LRRC42: variants seen among roughly 807,000 people sequenced by gnomAD.
The protein encoded by LRRC42 is leucine-rich repeat-containing protein 42.
LRRC42 carries 43 observed loss-of-function variants against 44.3 expected under a neutral mutation model. The ratio of observed to expected loss-of-function variants is 0.97; its 90% CI spans 0.76 to 1.25. The LOEUF (loss-of-function observed/expected upper bound fraction) is 1.25. Ranked by LOEUF, LRRC42 falls within the 50% of genes most tolerant of loss-of-function variation. The probability of loss-of-function intolerance (pLI) is 0.00; values close to 1 mark genes in which losing one functional copy is unlikely to be tolerated. For synonymous variants in LRRC42, 207 were observed against 195.2 expected (o/e 1.06, Z -0.50); for missense variants, 540 against 509.1 (o/e 1.06, Z -0.58).
Position 53,951,996 on chromosome 1 carries a change from G to A in LRRC42, c.-4G>A. The A allele has an allele frequency of 1.2e-6, 2 of 1,610,932 alleles. No homozygotes were observed. The highest frequency in any genetic ancestry group is 1.7e-6 in the Non-Finnish European group (2 of 1,178,668). On this transcript the variant is annotated 5_prime_UTR_variant, in exon 3 of 9. Coordinates refer to ENST00000371370, the MANE Select transcript of LRRC42 (RefSeq NM_001256409.2). ...GCCTTGCTTTTACAGTTGCAACCAA[G>A]GCAATGTCTTACTACCTCAGCTCAG... is the stretch of plus-strand genomic sequence containing the variant.
chr1:53,959,519 G>T (rs1281326170), intron 4 of LRRC42, among the ~76,000 whole-genome samples: 1 of 152,174 alleles, frequency 6.6e-6, no homozygotes, highest in Non-Finnish European at 1.5e-5. Flanking sequence ...TGTTGTGTGA[G>T]GCTAGCCAGC....
chr1:53,963,960 C>CCTA (rs1655062701), intron 7 of LRRC42, among the ~76,000 whole-genome samples: 1 of 113,280 alleles, frequency 8.8e-6, no homozygotes, highest in African/African-American at 3.4e-5. Flanking sequence ...CCCCCCCCAT[C>CCTA]TTCATTGTCC....
chr1:53,963,945 C>CCT, intron 7 of LRRC42, among the ~76,000 whole-genome samples: 3 of 44,876 alleles, frequency 6.7e-5, no homozygotes, highest in African/African-American at 1.8e-4. Context: ...CCCCTCCTGC[C>CCT]CACCCCCCCC....
chr1:53,967,910 G>A lies in LRRC42; in HGVS notation c.1258G>A (p.Glu420Lys). The A allele has an allele frequency of 6.2e-7, 1 of 1,614,112 alleles. No individual in the cohort carries two copies. The change falls in exon 9 of 9, where the codon GAA (glutamate) becomes AAA (lysine). Residue 420 changes from glutamate (E) to lysine (K), a missense_variant. By Grantham distance (56) the Glu-to-Lys change is moderately conservative. Transcript: ENST00000371370. ...SKQKYVCLAVEDWDLLNSY is the reference protein window; with the variant it reads ...SKQKYVCLAVKDWDLLNSY ...GCAGAAATATGTATGTCTTGCTGTG[G>A]AAGACTGGGACTTGTTAAATTCCTA...
chr1:53,952,523 G>A (rs370933667), intron 3 of LRRC42, 51 bp downstream of exon 3: 5 of 1,483,594 alleles, frequency 3.4e-6, no homozygotes, highest in Non-Finnish European at 4.5e-6. Flanking sequence ...TGTTAATTCT[G>A]TCAAGCTCTG....
chr1:53,947,068 G>C (rs1015002064), intron 1 of LRRC42, among the ~76,000 whole-genome samples: 1 of 151,468 alleles, frequency 6.6e-6, no homozygotes, highest in Non-Finnish European at 1.5e-5. Context: ...AGCCCCTAGA[G>C]TGGGAAGAAG....
rs762655764 is a variant in LRRC42 at position 53,952,425 on chromosome 1, T to C, written c.426T>C (p.Thr142=). ...GAGLRALQKF[T]EAYGSLVLCS... is the part of the protein sequence containing the mutation. The stretch of plus-strand genomic sequence containing the variant: ...GGCTGAGGGCTTTACAGAAATTCAC[T>C]GAGGCCTATGGAAGTTTGGTGCTTT... Residue 142 remains threonine, a synonymous_variant, in exon 3 of 9, where the codon ACT becomes ACC. Coordinates refer to ENST00000371370, the MANE Select transcript of LRRC42 (RefSeq NM_001256409.2). 1.2e-6 allele frequency: 2 copies of C among 1,608,582 alleles called. No individual in the cohort carries two copies. The highest frequency in any genetic ancestry group is 1.7e-6 in the Non-Finnish European group (2 of 1,175,322).
At chr1:53,966,500 A>G in intron 8 of LRRC42, 120 bp downstream of exon 8, 1 of 683,830 alleles carries the variant, frequency 1.5e-6, no homozygotes, top group Non-Finnish European at 2.6e-6. Flanking sequence ...TATGATCACC[A>G]AGACTTGTAT....
At chr1:53,955,364 T>C (rs1206112180) in intron 3 of LRRC42, among the ~76,000 whole-genome samples, 1 of 152,144 alleles carries the variant, frequency 6.6e-6, no homozygotes, top group Admixed American at 6.6e-5. Context: ...TGGCGTGATC[T>C]TGGCTCACTG....
At chr1:53,960,206 A>T (rs1377043228) in intron 4 of LRRC42, 150 bp from the exon 5 acceptor site, 1 of 588,366 alleles carries the variant, frequency 1.7e-6, no homozygotes. Context: ...AGCCCAAAAG[A>T]GCTTAACTTT....
Position 53,962,688 on chromosome 1 carries a change from A to G in LRRC42, c.927+279A>G, listed in dbSNP as rs546175551. Among the ~76,000 whole-genome samples the G allele has an allele frequency of 9.2e-5, 14 of 152,336 alleles. No homozygotes were observed. The South Asian group carries it at 2.7e-3, about 29-fold the overall frequency. On this transcript the variant is annotated intron_variant, in intron 7 of 8. Transcript: ENST00000371370. ...TACAGATGACTCAGAAAATAAGTGA[A>G]TTCTGGCTTGCTACACAAAAAAGCA...
rs570586924 is a variant in LRRC42 at position 53,951,446 on chromosome 1, C to T, written c.-14-540C>T. Among the ~76,000 whole-genome samples, 7 of 151,980 alleles carry T rather than the reference C, an allele frequency of 4.6e-5. No individual in the cohort carries two copies. The South Asian group carries it at 8.3e-4, about 18-fold the overall frequency. Reference sequence around the variant, plus strand: ...GGTTTCTGTTTGTTTTTTTTTGAGACGGAGTCTCGCTCTTGTCACCCAGGC... The same window carrying T: ...GGTTTCTGTTTGTTTTTTTTTGAGATGGAGTCTCGCTCTTGTCACCCAGGC... On this transcript the variant is annotated intron_variant, in intron 2 of 8. Coordinates refer to ENST00000371370, the MANE Select transcript of LRRC42 (RefSeq NM_001256409.2).
At chr1:53,953,162 C>T (rs1258367681) in intron 3 of LRRC42, among the ~76,000 whole-genome samples, 1 of 152,220 alleles carries the variant, frequency 6.6e-6, no homozygotes, top group African/African-American at 2.4e-5. Flanking sequence ...TTCTTCCTAT[C>T]TCATCTCCAG....
intron 4 of LRRC42, among the ~76,000 whole-genome samples, chr1:53,959,535 G>GA (rs1654936342): frequency 6.6e-6 from 1 of 152,168 alleles, no homozygotes; most frequent in Admixed American, 6.5e-5. Flanking sequence ...CCAGCATCAA[G>GA]GCTCAGATTT....
At chr1:53,967,349 T>A (rs2100934840) in intron 8 of LRRC42, among the ~76,000 whole-genome samples, 1 of 152,350 alleles carries the variant, frequency 6.6e-6, no homozygotes, top group Admixed American at 6.5e-5. Context: ...TGTATCTTCA[T>A]ATCACCCTTA....
chr1:53,960,454 T>C lies in LRRC42; in HGVS notation c.704T>C (p.Leu235Pro). The C allele has an allele frequency of 2.5e-6, 4 of 1,610,094 alleles. No individual in the cohort carries two copies. The highest frequency in any genetic ancestry group is 2.5e-6 in the Non-Finnish European group (3 of 1,176,702). The change falls in exon 5 of 9, where the codon CTA (leucine) becomes CCA (proline). Residue 235 changes from leucine (L) to proline (P), a missense_variant. Physicochemically the swap from Leu to Pro is moderately conservative, Grantham distance 98. Coordinates refer to ENST00000371370, the MANE Select transcript of LRRC42 (RefSeq NM_001256409.2). ...GTGATGAAAAGAGGCCTTGAGAATCTAACATTATTAGACTTATCATGTAAG... is the reference window on the plus strand; with the variant it reads ...GTGATGAAAAGAGGCCTTGAGAATCCAACATTATTAGACTTATCATGTAAG... ...VRVMKRGLEN[L>P]TLLDLSCNPE...
intron 8 of LRRC42, among the ~76,000 whole-genome samples, chr1:53,966,941 G>A (rs774674138): frequency 3.9e-5 from 6 of 151,944 alleles, no homozygotes; most frequent in Admixed American, 2.0e-4. Flanking sequence ...GGGGTGGCAC[G>A]GGCAGGAATA....
Position 53,960,368 on chromosome 1 carries a change from C to T in LRRC42, c.618C>T (p.Leu206=), listed in dbSNP as rs746748089. 1 of 1,612,462 alleles carries T rather than the reference C, an allele frequency of 6.2e-7. No homozygotes were observed. Among genetic ancestry groups the T allele is most frequent in the Non-Finnish European group, 8.5e-7 (1 of 1,179,444 alleles). ...TTTGTTTCCCTAGTGTAACTCAGCTCCACCTGAAGGATAATTGTTTATCTG... is the reference window on the plus strand; with the variant it reads ...TTTGTTTCCCTAGTGTAACTCAGCTTCACCTGAAGGATAATTGTTTATCTG... ...TNEALSSVTQ[L]HLKDNCLSDA... is the part of the protein sequence containing the mutation. Residue 206 remains leucine (L), a synonymous_variant, in exon 5 of 9, where the codon CTC becomes CTT. Transcript: ENST00000371370.
In LRRC42 at chr1:53,952,108, AG is replaced by A. The variant is rs1654702500; in HGVS notation, c.110del (p.Ser37ThrfsTer21). 2 of 1,614,238 alleles carry A rather than the reference AG, an allele frequency of 1.2e-6. No homozygotes were observed. The highest frequency in any genetic ancestry group is 4.5e-5 in the East Asian group (2 of 44,888). On this transcript the variant is annotated frameshift_variant, in exon 3 of 9. Coordinates refer to ENST00000371370, the MANE Select transcript of LRRC42 (RefSeq NM_001256409.2). LOFTEE classifies it high-confidence loss of function. The stretch of plus-strand genomic sequence containing the variant: ...TCTGGCTCTGGATGGTGTCAGGAGT[AG>A]CCTGCAGAAGCCAAGGCCTTTCAGA... ...VNLALDGVRS[S>X]LQKPRPFRLF...
Sources: allele counts gnomAD v4.1 joint callset (sites outside exome capture counted in the v4.1 genomes callset), GRCh38; gene constraint gnomAD v4.1.1; transcripts MANE v1.5; gene names NCBI Gene and HGNC (gene_info 2026-07-23, HGNC 2026-07-21).